Variants in SERINC1 observed in about 807,000 individuals in gnomAD.
SERINC1 encodes the protein tumor differentially expressed protein 2.
In SERINC1, 38 loss-of-function variants were observed where a neutral mutation model predicts 52.9. The ratio of observed to expected loss-of-function variants is 0.72; its 90% CI spans 0.55 to 0.94. The LOEUF is 0.94. Among genes scored for constraint, SERINC1 ranks in the 40% least tolerant of loss-of-function variants. SERINC1 has a pLI of 0.00. For synonymous variants in SERINC1, 198 were observed against 183.1 expected, an observed-to-expected ratio of 1.08 and a Z score of -0.66; for missense variants, 471 against 533.9, an observed-to-expected ratio of 0.88 and a Z score of 1.16.
At chr6:122,466,465 G>C (rs529465481) in intron 1 of SERINC1, among the ~76,000 whole-genome samples, 1 of 152,102 alleles carries the variant, frequency 6.6e-6, no homozygotes, top group East Asian at 1.9e-4. Flanking sequence ...TCACAGATAC[G>C]CTGGGTGTAG....
At chr6:122,449,304 GC>G (rs1208813751) in intron 7 of SERINC1, among the ~76,000 whole-genome samples, 2 of 152,190 alleles carry the variant, frequency 1.3e-5, no homozygotes, top group African/African-American at 4.8e-5. Flanking sequence ...CAAAAGCTAG[GC>G]CTTCTGTTCC....
At chr6:122,457,536 C>T (rs1364185194) in intron 2 of SERINC1, among the ~76,000 whole-genome samples, 1 of 152,116 alleles carries the variant, frequency 6.6e-6, no homozygotes, top group African/African-American at 2.4e-5. Context: ...GAGATAGGGC[C>T]TTTATGTGGT....
chr6:122,449,901 A>G (rs1774875284), intron 7 of SERINC1, among the ~76,000 whole-genome samples: 1 of 152,172 alleles, frequency 6.6e-6, no homozygotes, highest in Admixed American at 6.5e-5. Context: ...CTGTAATCCC[A>G]GCTATTCAGG....
chr6:122,465,395 TGACAGGGAAACACCAAGTA>T (rs571774326), intron 1 of SERINC1, among the ~76,000 whole-genome samples: 252 of 152,246 alleles, frequency 1.7e-3, no homozygotes, highest in African/African-American at 5.8e-3. Context: ...ACATGAGGTT[TGACAGGGAAACACCAAGTA>T]GAGTTGACAG....
intron 1 of SERINC1, among the ~76,000 whole-genome samples, chr6:122,470,736 G>A (rs1365673996): frequency 6.6e-6 from 1 of 152,096 alleles, no homozygotes; most frequent in Non-Finnish European, 1.5e-5. Flanking sequence ...CATTTGGGAA[G>A]TCAGAAAAGC....
chr6:122,454,243 G>T lies in SERINC1; in HGVS notation c.372-13C>A, dbSNP rs1480470898. 2.8e-6 allele frequency: 4 copies of T among 1,408,424 alleles called. No homozygotes were observed. The Admixed American group carries it at 8.0e-5, about 28-fold the overall frequency. The allele number at this position is 1,408,424 out of a possible 1,614,324, so 87.2% of individuals were successfully genotyped here. On this transcript the variant is annotated splice_polypyrimidine_tract_variant and intron_variant, in intron 3 of 9. Transcript: ENST00000339697. Reference sequence around the variant, plus strand: ...AAAGAACCAAAATCTAAAACAAAAAGAAATATAATTTTTTATTAATAGACA... The same window carrying T: ...AAAGAACCAAAATCTAAAACAAAAATAAATATAATTTTTTATTAATAGACA...
chr6:122,460,961 G>T (rs1335766086), intron 1 of SERINC1, among the ~76,000 whole-genome samples: 1 of 151,778 alleles, frequency 6.6e-6, no homozygotes, highest in Non-Finnish European at 1.5e-5. Context: ...CAAGACAGAA[G>T]AAAAGATTAA....
intron 9 of SERINC1, 39 bp from the exon 10 acceptor site, chr6:122,445,218 G>A: frequency 6.3e-7 from 1 of 1,596,918 alleles, no homozygotes; most frequent in East Asian, 2.2e-5. Context: ...GGGGCAAGGG[G>A]GTTGAATTAT....
At chr6:122,456,761 T>C (rs1473968421) in intron 2 of SERINC1, 111 bp from the exon 3 acceptor site, 4 of 760,992 alleles carry the variant, frequency 5.3e-6, no homozygotes, top group Non-Finnish European at 6.1e-6. Context: ...GCATTTGCTT[T>C]ACAATTTATG....
At chr6:122,451,594 CA>C in intron 7 of SERINC1, 69 bp downstream of exon 7, 2 of 592,418 alleles carry the variant, frequency 3.4e-6, no homozygotes, top group South Asian at 1.9e-5. Context: ...TTTAATCTCA[CA>C]AAAAGACAAT....
intron 7 of SERINC1, among the ~76,000 whole-genome samples, chr6:122,447,882 G>A (rs1024226005): frequency 3.3e-5 from 5 of 152,042 alleles, no homozygotes; most frequent in Non-Finnish European, 7.4e-5. Flanking sequence ...TTGGGAGGCC[G>A]AGGCGGGCGG....
At chr6:122,459,680 A>C (rs9401544) in intron 1 of SERINC1, among the ~76,000 whole-genome samples, 17,139 of 152,264 alleles carry the variant, frequency 0.11, 1,225 homozygotes, top group East Asian at 0.21. Context: ...TCCAGTAAGA[A>C]AAGGAAATCC....
rs373248910 is a variant in SERINC1 at position 122,471,744 on chromosome 6, A to G, written c.-7T>C. 1.1e-5 allele frequency: 18 copies of G among 1,613,914 alleles called. No homozygotes were observed. In the African/African-American group the frequency reaches 2.3e-4, roughly 20 times the overall value. ...GCCCCAGGACGCTCCCCATCTCCAC[A>G]ACGTCACAAGAGCAGCGGATACAGA... On this transcript the variant is annotated 5_prime_UTR_variant, in exon 1 of 10. Transcript: ENST00000339697.
At chr6:122,458,781 A>G in intron 1 of SERINC1, 100 bp from the exon 2 acceptor site, 1 of 839,236 alleles carries the variant, frequency 1.2e-6, no homozygotes, top group Non-Finnish European at 1.8e-6. Flanking sequence ...GTTAAAAAAG[A>G]AAAAAGACTA....
chr6:122,468,021 A>T (rs987822298), intron 1 of SERINC1, among the ~76,000 whole-genome samples: 2 of 152,194 alleles, frequency 1.3e-5, no homozygotes, highest in Non-Finnish European at 2.9e-5. Context: ...AAAGGGAGGA[A>T]ATGGGAGTGG....
intron 4 of SERINC1, 77 bp from the exon 5 acceptor site, chr6:122,453,984 A>T: frequency 2.0e-6 from 3 of 1,463,448 alleles, no homozygotes; most frequent in Non-Finnish European, 9.2e-7. Context: ...CACAGTACAC[A>T]AAAAGGAAAA....
intron 3 of SERINC1, 171 bp from the exon 4 acceptor site, chr6:122,454,401 G>T: frequency 1.9e-6 from 1 of 539,410 alleles, no homozygotes; most frequent in South Asian, 2.6e-5. Flanking sequence ...TACAAAACAA[G>T]GTAATCATCA....
Position 122,446,333 on chromosome 6 carries a change from G to C in SERINC1, c.1226+441C>G, listed in dbSNP as rs563405667. Among the ~76,000 whole-genome samples, 4 of 152,128 alleles carry C rather than the reference G, an allele frequency of 2.6e-5. No individual in the cohort carries two copies. In the South Asian group the frequency reaches 6.2e-4, roughly 24 times the overall value. On this transcript the variant is annotated intron_variant, in intron 9 of 9. Transcript: ENST00000339697. ...TGCTTGTAGAAAGAATTCTAAGCTT[G>C]TAAAAATTGTGGCTTGTAAGAATTC...
intron 1 of SERINC1, among the ~76,000 whole-genome samples, chr6:122,460,993 A>G (rs1775091338): frequency 6.6e-6 from 1 of 152,186 alleles, no homozygotes; most frequent in South Asian, 2.1e-4. Context: ...AAGACATAAG[A>G]AAATAAATGA....
Sources: allele counts gnomAD v4.1 joint callset (sites outside exome capture counted in the v4.1 genomes callset), GRCh38; gene constraint gnomAD v4.1.1; transcripts MANE v1.5; gene names NCBI Gene and HGNC (gene_info 2026-07-23, HGNC 2026-07-21).